XIST: variants seen among roughly 807,000 people sequenced by gnomAD.
The protein encoded by XIST is X inactive specific transcript, also known as X inactive specific transcript (non-protein coding).
At chrX:73,847,471 C>G in exon 1 of XIST, 1 of 509,466 alleles carries the variant, frequency 2.0e-6, no homozygotes, top group East Asian at 3.6e-5. Flanking sequence ...CTTCCCACCT[C>G]AGCCTCCCAA....
intron 2 of XIST, among the ~76,000 whole-genome samples, chrX:73,834,349 T>C (rs1391059342): frequency 8.9e-6 from 1 of 112,906 alleles, no homozygotes; most frequent in Non-Finnish European, 1.9e-5. Context: ...TTATGGAGTA[T>C]CTTGCTTTAG....
chrX:73,847,713 T>G, exon 1 of XIST: 1 of 551,035 alleles, frequency 1.8e-6, no homozygotes, highest in Non-Finnish European at 3.3e-6. Flanking sequence ...ATTGAAAATA[T>G]GCACATTAAG....
rs754784703 is a variant in XIST, at chrX:73,852,086, C to T, written n.638G>A. 4.1e-5 allele frequency: 22 copies of T among 530,959 alleles called. No individual in the cohort carries two copies. In the African/African-American group the frequency reaches 5.0e-4, roughly 12 times the overall value. 43.8% of individuals were successfully genotyped at this position (530,959 alleles called of 1,213,427 possible). A position where few individuals can be genotyped will look rare whatever the true frequency, so the allele number is the denominator to read the frequency against. ...AAAAATTAAAGCAGGTATCCGAGGCCCCGATGGGCAAGGAAAAATAAAAAA... is the reference window on the plus strand; with the variant it reads ...AAAAATTAAAGCAGGTATCCGAGGCTCCGATGGGCAAGGAAAAATAAAAAA... On this transcript the variant is annotated non_coding_transcript_exon_variant, in exon 1 of 6. Coordinates refer to ENST00000429829, the Ensembl canonical transcript of XIST.
At chrX:73,832,864 G>C (rs1169838724) in intron 3 of XIST, among the ~76,000 whole-genome samples, 2 of 110,735 alleles carry the variant, frequency 1.8e-5, no homozygotes, top group African/African-American at 3.3e-5. Context: ...AGGAATTGAT[G>C]AAAACTGGCT....
At chrX:73,851,025 G>A (rs1922924926) in exon 1 of XIST, 5 of 558,047 alleles carry the variant, frequency 9.0e-6, no homozygotes, top group Non-Finnish European at 1.6e-5. Flanking sequence ...GAAGTGCCAT[G>A]CTAATTCACC....
intron 1 of XIST, among the ~76,000 whole-genome samples, chrX:73,838,989 G>A (rs765109036): frequency 1.6e-4 from 18 of 111,804 alleles, no homozygotes; most frequent in Admixed American, 3.8e-4. Context: ...CATTAGCTCA[G>A]TTCAGATATA....
At chrX:73,847,647 C>A in exon 1 of XIST, 2 of 519,252 alleles carry the variant, frequency 3.9e-6, no homozygotes, top group Non-Finnish European at 6.9e-6. Context: ...ATAAAAGACT[C>A]AGTTCTAATC....
exon 1 of XIST, chrX:73,851,505 C>T: frequency 1.8e-6 from 1 of 558,937 alleles, no homozygotes; most frequent in Non-Finnish European, 3.2e-6. Flanking sequence ...TTTTGGACAA[C>T]CTAACAAAGC....
exon 1 of XIST, chrX:73,845,234 G>C (rs749104773): frequency 1.8e-6 from 1 of 556,043 alleles, no homozygotes; most frequent in Admixed American, 2.2e-5. Flanking sequence ...GGTGGAGTGT[G>C]GCAGGGGAGG....
Position 73,848,862 on chromosome X carries a change from G to C in XIST, n.3862C>G, listed in dbSNP as rs761455867. ...ATTAGTGTTTTACATATTAATGCAA[G>C]GTGGTAGGTAGTTCACACTATCTAG... On this transcript the variant is annotated non_coding_transcript_exon_variant, in exon 1 of 6. Coordinates refer to ENST00000429829, the Ensembl canonical transcript of XIST. The C allele has an allele frequency of 7.2e-6, 4 of 556,142 alleles. No individual in the cohort carries two copies. The African/African-American group carries it at 9.0e-5, about 12-fold the overall frequency. 45.8% of individuals were successfully genotyped at this position (556,142 alleles called of 1,213,427 possible).
exon 3 of XIST, chrX:73,833,267 C>T (rs772162203): frequency 1.8e-6 from 1 of 558,164 alleles, no homozygotes; most frequent in Admixed American, 2.2e-5. Flanking sequence ...GCAACCCATC[C>T]AAGTAGATTA....
chrX:73,851,529 C>T (rs1267488377), exon 1 of XIST: 2 of 557,657 alleles, frequency 3.6e-6, no homozygotes, highest in Non-Finnish European at 6.5e-6. Flanking sequence ...GCCCGCCATG[C>T]TGAGCAATGC....
At chrX:73,827,366 A>T (rs757090413) in exon 6 of XIST, 1 of 558,603 alleles carries the variant, frequency 1.8e-6, no homozygotes, top group Non-Finnish European at 3.2e-6. Context: ...AGAGAGGGAG[A>T]TAGATTCATG....
chrX:73,822,432 C>A (rs1426807367), exon 6 of XIST: 41 of 512,921 alleles, frequency 8.0e-5, no homozygotes, highest in Non-Finnish European at 1.3e-4. Context: ...GGAAGGCATG[C>A]ATTTTTTTCC....
exon 1 of XIST, chrX:73,847,350 T>C (rs1377957962): frequency 1.9e-6 from 1 of 520,752 alleles, no homozygotes; most frequent in South Asian, 2.4e-5. Flanking sequence ...TTAGCACTCC[T>C]GCTGCTTTGC....
At chrX:73,827,058 G>A in exon 6 of XIST, 5 of 558,292 alleles carry the variant, frequency 9.0e-6, no homozygotes, top group Non-Finnish European at 1.6e-5. Flanking sequence ...TTAGTCCTCG[G>A]GTCTCAAGTC....
chrX:73,824,949 GGTAT>G (rs756306579), exon 6 of XIST: 17 of 529,875 alleles, frequency 3.2e-5, no homozygotes, highest in Admixed American at 7.4e-5. Context: ...CAAAATAGCT[GGTAT>G]GTAAGAGGCA....
intron 2 of XIST, among the ~76,000 whole-genome samples, chrX:73,837,110 T>C (rs1170848064): frequency 8.9e-6 from 1 of 111,737 alleles, no homozygotes; most frequent in African/African-American, 3.3e-5. Flanking sequence ...TGGCTGCACA[T>C]AGTGACTTCC....
rs113288112 is a variant in XIST at position 73,827,616 on chromosome X, C to T, written n.12285G>A. On this transcript the variant is annotated non_coding_transcript_exon_variant, in exon 6 of 6. Transcript: ENST00000429829. ...CTCAGAAAAAAGGTGAAATTTAAAA[C>T]GAACGAGAAGGGGAAGGGGTAACAA... The T allele has an allele frequency of 4.4e-4, 243 of 546,333 alleles. 1 individual carries two copies. Among genetic ancestry groups the T allele is most frequent in the African/African-American group, 3.6e-3 (158 of 44,227 alleles). 45.0% of individuals were successfully genotyped at this position (546,333 alleles called of 1,213,427 possible).
Sources: gnomAD v4.1 joint callset for allele counts (sites outside exome capture counted in the v4.1 genomes callset) on GRCh38, gnomAD v4.1.1 for gene constraint, MANE v1.5 for transcripts, NCBI Gene and HGNC (gene_info 2026-07-23, HGNC 2026-07-21) for gene names.